ADAMTS18: variants seen among roughly 807,000 people sequenced by gnomAD.
ADAMTS18 encodes the protein ADAM metallopeptidase with thrombospondin type 1 motif 18.
Under a neutral mutation model 165.9 loss-of-function variants are expected in ADAMTS18, and 157 were observed. The ratio of observed to expected loss-of-function variants is 0.95; its 90% CI spans 0.83 to 1.08. The LOEUF (loss-of-function observed/expected upper bound fraction) is 1.08. ADAMTS18 is among the 50% of genes least tolerant of loss of function. ADAMTS18 has a pLI of 0.00. For synonymous variants in ADAMTS18, 782 were observed against 578.2 expected (o/e 1.35, Z -5.06); for missense variants, 2,040 against 1,534.0 (o/e 1.33, Z -5.51).
At chr16:77,343,258 G>C (rs898994606) in intron 10 of ADAMTS18, among the ~76,000 whole-genome samples, 1 of 152,096 alleles carries the variant, frequency 6.6e-6, no homozygotes, top group African/African-American at 2.4e-5. Flanking sequence ...ATTTTTAGTA[G>C]AGACGTGGTT....
rs1241152607 is a variant in ADAMTS18 at position 77,356,052 on chromosome 16, C to T, written c.1348G>A (p.Gly450Arg). 2 of 1,614,012 alleles carry T rather than the reference C, an allele frequency of 1.2e-6. No individual in the cohort carries two copies. The highest frequency in any genetic ancestry group is 2.2e-5 in the East Asian group (1 of 44,844). Residue 450 changes from glycine to arginine, a missense_variant, in exon 9 of 23, where the codon GGG (glycine) becomes AGG (arginine). Transcript: ENST00000282849. ...CCTTCAGCCTTTCTGCAGGGATTCCCTTCTCCATCGTGAATCATACCAAAG... is the reference window on the plus strand; with the variant it reads ...CCTTCAGCCTTTCTGCAGGGATTCCTTTCTCCATCGTGAATCATACCAAAG... ...HNFGMIHDGE[G>R]NPCRKAEGNI...
intron 3 of ADAMTS18, among the ~76,000 whole-genome samples, chr16:77,425,567 A>G (rs2057660893): frequency 6.6e-6 from 1 of 152,246 alleles, no homozygotes; most frequent in African/African-American, 2.4e-5. Context: ...TGTCTTTTCA[A>G]TCAATCTTCA....
chr16:77,348,740 G>C (rs1205700387), intron 10 of ADAMTS18, among the ~76,000 whole-genome samples: 2 of 152,168 alleles, frequency 1.3e-5, no homozygotes, highest in Non-Finnish European at 2.9e-5. Flanking sequence ...AGAGGCAAGA[G>C]ATGTGTATAC....
At chr16:77,344,053 A>G (rs1000436952) in intron 10 of ADAMTS18, among the ~76,000 whole-genome samples, 5 of 150,722 alleles carry the variant, frequency 3.3e-5, no homozygotes, top group African/African-American at 1.2e-4. Context: ...TATTACACAA[A>G]CACTCAAAAA....
rs776427244 is a variant in ADAMTS18 at position 77,367,435 on chromosome 16, AC to A, written c.778+5del. The A allele has an allele frequency of 6.2e-7, 1 of 1,614,170 alleles. No homozygotes were observed. On this transcript the variant is annotated splice_donor_5th_base_variant and intron_variant, in intron 4 of 22. Transcript: ENST00000282849. ...GAACAGAAAAAGAAAAAGTTTCCTTACATACATTTCTTGCGTCGTCCACAAA... is the reference window on the plus strand; with the variant it reads ...GAACAGAAAAAGAAAAAGTTTCCTTAATACATTTCTTGCGTCGTCCACAAA...
chr16:77,431,688 G>A (rs2057742897), intron 2 of ADAMTS18, 77 bp from the exon 3 acceptor site: 7 of 1,456,878 alleles, frequency 4.8e-6, no homozygotes, highest in African/African-American at 1.4e-5. Flanking sequence ...AGCTGGCAAA[G>A]AGCAACACAA....
intron 12 of ADAMTS18, among the ~76,000 whole-genome samples, chr16:77,329,053 G>A (rs2056143611): frequency 6.6e-6 from 1 of 152,048 alleles, no homozygotes. Context: ...AGAATAGACA[G>A]TAAGGTGCAA....
chr16:77,368,437 CTTT>C (rs892324445), intron 3 of ADAMTS18, among the ~76,000 whole-genome samples: 6 of 132,938 alleles, frequency 4.5e-5, no homozygotes, highest in Non-Finnish European at 6.5e-5. Flanking sequence ...TTCTTTTTTT[CTTT>C]TTTTTTTTTT....
At chr16:77,296,039 T>C (rs1020399898) in intron 18 of ADAMTS18, among the ~76,000 whole-genome samples, 1 of 150,694 alleles carries the variant, frequency 6.6e-6, no homozygotes, top group African/African-American at 2.5e-5. Flanking sequence ...TACACACACA[T>C]ATACGCACAT....
chr16:77,339,706 T>C (rs2056369982), intron 11 of ADAMTS18, among the ~76,000 whole-genome samples: 1 of 152,058 alleles, frequency 6.6e-6, no homozygotes, highest in Non-Finnish European at 1.5e-5. Context: ...TTCCACTAAT[T>C]CATTGTTTTG....
chr16:77,399,812 A>G (rs2057302902), intron 3 of ADAMTS18, among the ~76,000 whole-genome samples: 1 of 152,206 alleles, frequency 6.6e-6, no homozygotes, highest in African/African-American at 2.4e-5. Flanking sequence ...TGCTGCTGCT[A>G]CTACCACTCC....
At chr16:77,291,019 T>C in intron 21 of ADAMTS18, 1 of 453,044 alleles carries the variant, frequency 2.2e-6, no homozygotes, top group Non-Finnish European at 4.0e-6. Context: ...GTGTTTTACA[T>C]ACATTTTCTG....
At chr16:77,313,603 C>T (rs946356590) in intron 16 of ADAMTS18, among the ~76,000 whole-genome samples, 117 of 152,040 alleles carry the variant, frequency 7.7e-4, no homozygotes, top group African/African-American at 2.7e-3. Flanking sequence ...TGTCATGAAG[C>T]GGTAAAAAAC....
chr16:77,314,415 G>A lies in ADAMTS18; in HGVS notation c.2532+5434C>T, dbSNP rs147828698. On this transcript the variant is annotated intron_variant, in intron 16 of 22. Transcript: ENST00000282849. ...TTGAGGTCAGGAGTTCCAGACCAGC[G>A]TGACCAACATGGTGAAACCCCATCT... Among the ~76,000 whole-genome samples, 152 of 151,688 alleles carry A rather than the reference G, an allele frequency of 1.0e-3. 2 individuals are homozygous for A. The East Asian group carries it at 0.024, about 24-fold the overall frequency.
chr16:77,293,140 C>A lies in ADAMTS18; in HGVS notation c.3125G>T (p.Gly1042Val). 1 of 1,614,006 alleles carries A rather than the reference C, an allele frequency of 6.2e-7. No homozygotes were observed. Among genetic ancestry groups the A allele is most frequent in the East Asian group, 2.2e-5 (1 of 44,852 alleles). The change falls in exon 20 of 23, where the codon GGC (glycine) becomes GTC (valine). Residue 1042 changes from glycine to valine, a missense_variant. Gly to Val is a moderately radical substitution (Grantham distance 109). Coordinates refer to ENST00000282849, the MANE Select transcript of ADAMTS18 (RefSeq NM_199355.4). ...CTTGGGGCATCGTCCAAGCACACAG[C>A]CCTCCTGCAGCTCAGGTCTGGGGAG... ...TSLPRPELQE[G>V]CVLGRCPKNS...
chr16:77,355,836 C>G lies in ADAMTS18; in HGVS notation c.1460+104G>C, dbSNP rs1425393076. Reference sequence around the variant, plus strand: ...CATCATTTGTCTTTCTGTTTATTGACAGGTCAAAAGGTATTTCCACTGAGT... The same window carrying G: ...CATCATTTGTCTTTCTGTTTATTGAGAGGTCAAAAGGTATTTCCACTGAGT... On this transcript the variant is annotated intron_variant, in intron 9 of 22. Transcript: ENST00000282849. The G allele has an allele frequency of 3.7e-6, 5 of 1,351,408 alleles. No individual in the cohort carries two copies. In the African/African-American group the frequency reaches 7.2e-5, roughly 19 times the overall value. The allele number at this position is 1,351,408 out of a possible 1,614,324, so 83.7% of individuals were successfully genotyped here. A position where few individuals can be genotyped will look rare whatever the true frequency, so the allele number is the denominator to read the frequency against.
rs1217048358 is a variant in ADAMTS18 at position 77,290,082 on chromosome 16, AT to A, written c.3403-672del. Reference sequence around the variant, plus strand: ...CTTATTTTAAAAAGTTACTACATTAATTTTTCTTAAATGTACATATGCATTA... The same window carrying A: ...CTTATTTTAAAAAGTTACTACATTAATTTTCTTAAATGTACATATGCATTA... On this transcript the variant is annotated intron_variant, in intron 21 of 22. Transcript: ENST00000282849. Among the ~76,000 whole-genome samples, 19 of 152,258 alleles carry A rather than the reference AT, an allele frequency of 1.2e-4. No homozygotes were observed. The South Asian group carries it at 2.3e-3, about 18-fold the overall frequency.
At chr16:77,406,401 C>G (rs1395383712) in intron 3 of ADAMTS18, among the ~76,000 whole-genome samples, 4 of 152,054 alleles carry the variant, frequency 2.6e-5, no homozygotes, top group Non-Finnish European at 5.9e-5. Flanking sequence ...GAAATAAAAT[C>G]TTGCCCTCCA....
intron 16 of ADAMTS18, among the ~76,000 whole-genome samples, chr16:77,317,310 G>A (rs1030268556): frequency 1.3e-5 from 2 of 152,122 alleles, no homozygotes; most frequent in Non-Finnish European, 2.9e-5. Context: ...GCAGCTCAGT[G>A]CATGTGACAC....
Sources: allele counts gnomAD v4.1 joint callset (sites outside exome capture counted in the v4.1 genomes callset), GRCh38; gene constraint gnomAD v4.1.1; transcripts MANE v1.5; gene names NCBI Gene and HGNC (gene_info 2026-07-23, HGNC 2026-07-21).